Variants in NOX4 observed in about 807,000 individuals in gnomAD.
NOX4 encodes kidney oxidase-1.
A neutral mutation model predicts 87.6 loss-of-function variants in NOX4; 69 were observed. That is an observed-to-expected ratio of 0.79 (90% CI 0.65 to 0.96). The LOEUF is 0.96. Ranked by LOEUF, NOX4 falls within the 40% of genes least tolerant of loss-of-function variation. NOX4 has a pLI of 0.00. For synonymous variants in NOX4, 275 were observed against 238.2 expected, an observed-to-expected ratio of 1.15 and a Z score of -1.42; for missense variants, 680 against 681.5, an observed-to-expected ratio of 1.00 and a Z score of 0.02.
At chr11:89,547,233 G>A in the NOX4 span, among the ~76,000 whole-genome samples, 1 of 150,492 alleles carries the variant, frequency 6.6e-6, no homozygotes, top group Non-Finnish European at 1.5e-5. Context: ...AGAATCACAT[G>A]GGGGGGGACA....
the NOX4 span, among the ~76,000 whole-genome samples, chr11:89,576,636 T>C: frequency 1.3e-4 from 20 of 152,178 alleles, no homozygotes; most frequent in Non-Finnish European, 2.9e-5. Flanking sequence ...TCCAGCTTTG[T>C]CTTTAGTGTG....
At chr11:89,356,649 C>A (rs1030054902) in intron 12 of NOX4, among the ~76,000 whole-genome samples, 7 of 152,142 alleles carry the variant, frequency 4.6e-5, no homozygotes, top group African/African-American at 1.7e-4. Flanking sequence ...ACTCCCAGTA[C>A]AACTTGTGCT....
chr11:89,348,967 GT>G (rs1245842547), intron 13 of NOX4, among the ~76,000 whole-genome samples: 1 of 152,120 alleles, frequency 6.6e-6, no homozygotes, highest in Admixed American at 6.6e-5. Context: ...TGGATGTGTA[GT>G]GCTCATTATG....
chr11:89,330,165 G>A (rs891249333), intron 17 of NOX4, among the ~76,000 whole-genome samples: 5 of 151,936 alleles, frequency 3.3e-5, no homozygotes, highest in African/African-American at 9.7e-5. Flanking sequence ...CTGGCCAACA[G>A]AGTGAGATCC....
the NOX4 span, among the ~76,000 whole-genome samples, chr11:89,523,636 A>G: frequency 1.3e-5 from 2 of 152,312 alleles, no homozygotes; most frequent in African/African-American, 4.8e-5. Flanking sequence ...TAATGGAGAG[A>G]AAATGAAAAC....
At chr11:89,431,877 T>C (rs1287658653) in intron 7 of NOX4, among the ~76,000 whole-genome samples, 1 of 152,200 alleles carries the variant, frequency 6.6e-6, no homozygotes, top group African/African-American at 2.4e-5. Flanking sequence ...TTATAAATCA[T>C]GCTGCTATAA....
At chr11:89,426,090 CTCT>C (rs1190258855) in intron 7 of NOX4, among the ~76,000 whole-genome samples, 1 of 152,124 alleles carries the variant, frequency 6.6e-6, no homozygotes, top group Non-Finnish European at 1.5e-5. Flanking sequence ...TGCTCAAAAT[CTCT>C]TAACTATAAG....
At chr11:89,432,216 G>A (rs1367891254) in intron 7 of NOX4, among the ~76,000 whole-genome samples, 2 of 152,034 alleles carry the variant, frequency 1.3e-5, no homozygotes, top group Admixed American at 6.6e-5. Context: ...TTGGGAGAGG[G>A]GGAGGGACAG....
chr11:89,546,686 G>A, the NOX4 span: 2 of 152,166 alleles, frequency 1.3e-5, no homozygotes, highest in Non-Finnish European at 1.5e-5. Flanking sequence ...ACCTGGTGAG[G>A]GTCTTCTTGC....
At chr11:89,496,549 T>G (rs193013198), upstream of NOX4, among the ~76,000 whole-genome samples, 29 of 151,508 alleles carry the variant, frequency 1.9e-4, no homozygotes, top group East Asian at 4.9e-3. Context: ...TATATAAAAT[T>G]TTATATGCCA....
At chr11:89,398,782 G>T (rs981048364) in intron 11 of NOX4, among the ~76,000 whole-genome samples, 1 of 151,736 alleles carries the variant, frequency 6.6e-6, no homozygotes. Context: ...AATGAATAAA[G>T]TCCAAATATC....
rs317177 is a variant in NOX4 at position 89,381,111 on chromosome 11, T to C, written c.1075-7619A>G. On this transcript the variant is annotated intron_variant, in intron 11 of 17. Transcript: ENST00000263317. ...CTGGAAAAACTCTTCCCAAAGTGAC[T>C]GGTTAAAAGATTAAAAACACAAAGT... is the stretch of plus-strand genomic sequence containing the variant. Among the ~76,000 whole-genome samples the C allele has an allele frequency of 4.1e-3, 630 of 152,244 alleles. 8 individuals are homozygous for C. Among genetic ancestry groups the C allele is most frequent in the African/African-American group, 0.015 (603 of 41,546 alleles).
chr11:89,330,227 T>C lies in NOX4; in HGVS notation c.1617-3351A>G, dbSNP rs566246618. Among the ~76,000 whole-genome samples, 74 of 152,114 alleles carry C rather than the reference T, an allele frequency of 4.9e-4. 1 individual carries two copies. Among genetic ancestry groups the C allele is most frequent in the African/African-American group, 1.7e-3 (71 of 41,522 alleles). The stretch of plus-strand genomic sequence containing the variant: ...AGCTAAGCATGGTGGTATGCAACTG[T>C]AGTTCCAGCTACTCAGGAAACTGAG... On this transcript the variant is annotated intron_variant, in intron 17 of 17. Coordinates refer to ENST00000263317, the MANE Select transcript of NOX4 (RefSeq NM_016931.5).
At chr11:89,537,626 C>A in the NOX4 span, among the ~76,000 whole-genome samples, 1 of 151,924 alleles carries the variant, frequency 6.6e-6, no homozygotes, top group African/African-American at 2.4e-5. Context: ...CCCCCCGAGG[C>A]TAAACTGCTT....
chr11:89,392,630 C>T (rs1279516115), intron 11 of NOX4, among the ~76,000 whole-genome samples: 4 of 152,000 alleles, frequency 2.6e-5, no homozygotes, highest in African/African-American at 4.8e-5. Context: ...TATTGATGAA[C>T]GTGTTAGAGT....
intron 2 of NOX4, among the ~76,000 whole-genome samples, chr11:89,471,575 C>G (rs536000018): frequency 1.3e-5 from 2 of 152,076 alleles, no homozygotes; most frequent in Non-Finnish European, 2.9e-5. Flanking sequence ...TAATTAATAT[C>G]ACTAGGTTCA....
chr11:89,343,564 T>C (rs1218185510), intron 13 of NOX4, among the ~76,000 whole-genome samples: 1 of 152,166 alleles, frequency 6.6e-6, no homozygotes, highest in African/African-American at 2.4e-5. Flanking sequence ...TCTACTTTTT[T>C]GAGGGAGATG....
intron 2 of NOX4, 122 bp downstream of exon 2, chr11:89,490,336 C>A (rs1002302255): frequency 1.4e-6 from 1 of 693,682 alleles, no homozygotes. Context: ...CTTTAGAGAA[C>A]AACAAAGGTT....
At chr11:89,419,666 GC>G (rs1261594733) in intron 8 of NOX4, among the ~76,000 whole-genome samples, 1 of 151,604 alleles carries the variant, frequency 6.6e-6, no homozygotes, top group African/African-American at 2.4e-5. Flanking sequence ...TCCTATAGAT[GC>G]CTACTATTTC....
Sources: gnomAD v4.1 joint callset for allele counts (sites outside exome capture counted in the v4.1 genomes callset) on GRCh38, gnomAD v4.1.1 for gene constraint, MANE v1.5 for transcripts, NCBI Gene and HGNC (gene_info 2026-07-23, HGNC 2026-07-21) for gene names.